Variants in GGT5 observed in about 807,000 individuals in gnomAD.
GGT5 encodes the protein gamma-glutamyltransferase 5, also known as glutathione hydrolase 5 proenzyme.
Under a neutral mutation model 58.1 loss-of-function variants are expected in GGT5, and 50 were observed. The ratio of observed to expected loss-of-function variants is 0.86; its 90% confidence interval spans 0.69 to 1.09. The LOEUF (loss-of-function observed/expected upper bound fraction) is 1.09. GGT5 is among the 50% of genes least tolerant of loss of function. The pLI is 0.00. For missense variants in GGT5, 800 were observed against 789.4 expected (o/e 1.01, Z -0.16); for synonymous variants, 370 against 346.1 (o/e 1.07, Z -0.77).
rs372883552 is a variant in GGT5 at position 24,244,576 on chromosome 22, G to A, written c.150C>T (p.Ser50=). ...ACCGTCCAATATCCGAGCAGACCTTGGAGTCGGCGGCAACAGCAGCGTGGG... is the reference window on the plus strand; with the variant it reads ...ACCGTCCAATATCCGAGCAGACCTTAGAGTCGGCGGCAACAGCAGCGTGGG... ...AFAHAAVAAD[S]KVCSDIGRAI... The change falls in exon 1 of 12, where the codon TCC becomes TCT. Residue 50 remains serine (S), a synonymous_variant. Transcript: ENST00000327365. 3 of 1,612,302 alleles carry A rather than the reference G, an allele frequency of 1.9e-6. No homozygotes were observed. Among genetic ancestry groups the A allele is most frequent in the Non-Finnish European group, 2.5e-6 (3 of 1,179,796 alleles).
chr22:24,238,838 T>TA lies in GGT5; in HGVS notation c.174-4835dup, dbSNP rs1384656773. On this transcript the variant is annotated intron_variant, in intron 1 of 11. Transcript: ENST00000327365. ...TTATATATATATATATATATTTATA[T>TA]ATATATATTATATATATTATATATA... 2.1e-3 allele frequency among the ~76,000 whole-genome samples: 23 copies of TA among 11,154 alleles called. 3 individuals are homozygous for TA. The highest frequency in any genetic ancestry group is 5.2e-3 in the Admixed American group (3 of 576). 7.3% of individuals were successfully genotyped at this position (11,154 alleles called of 152,430 possible). A position where few individuals can be genotyped will look rare whatever the true frequency, so the allele number is the denominator to read the frequency against.
intron 6 of GGT5, among the ~76,000 whole-genome samples, chr22:24,228,308 A>G (rs2047836902): frequency 6.6e-6 from 1 of 152,026 alleles, no homozygotes; most frequent in African/African-American, 2.4e-5. Context: ...CAAAAACACA[A>G]CAGCTCACAA....
chr22:24,243,146 C>A (rs2048370896), intron 1 of GGT5: 1 of 152,230 alleles, frequency 6.6e-6, no homozygotes, highest in African/African-American at 2.4e-5. Flanking sequence ...GCCACATGCC[C>A]ACGGGTGGTC....
rs909685064 is a variant in GGT5, at chr22:24,231,455, T to A, written c.830A>T (p.Asp277Val). The A allele has an allele frequency of 1.3e-6, 2 of 1,568,998 alleles. No homozygotes were observed. The highest frequency in any genetic ancestry group is 2.7e-5 in the African/African-American group (2 of 73,600). The change falls in exon 6 of 12, where the codon GAC becomes GTC. Residue 277 changes from aspartate (D) to valine (V), a missense_variant. Transcript: ENST00000327365. The part of the protein sequence containing the change: ...VVDALEVPLG[D>V]YTLYSPPPPA... ...CGGCGGTGGTGAGTACAGGGTATAGTCCCCCAGGGGCACCTCCAGGGCATC... is the reference window on the plus strand; with the variant it reads ...CGGCGGTGGTGAGTACAGGGTATAGACCCCCAGGGGCACCTCCAGGGCATC...
At position 24,226,272 on chromosome 22, in the gene GGT5, G is replaced by T. The variant is rs758111863; in HGVS notation, c.1039-6C>A. 3 of 1,590,148 alleles carry T rather than the reference G, an allele frequency of 1.9e-6. No individual in the cohort carries two copies. Among genetic ancestry groups the T allele is most frequent in the Non-Finnish European group, 2.6e-6 (3 of 1,170,714 alleles). On this transcript the variant is annotated splice_polypyrimidine_tract_variant and splice_region_variant and intron_variant, in intron 7 of 11. Transcript: ENST00000327365. Reference sequence around the variant, plus strand: ...AGCAGGTCCCGGGAGGCATTCTGGGGTGGGTGGGCAGGTGGCAGGGTCAGT... The same window carrying T: ...AGCAGGTCCCGGGAGGCATTCTGGGTTGGGTGGGCAGGTGGCAGGGTCAGT...
intron 1 of GGT5, chr22:24,244,295 G>A (rs977049634): frequency 1.7e-5 from 7 of 401,272 alleles, no homozygotes; most frequent in Admixed American, 4.0e-5. Flanking sequence ...CAGTGCACGT[G>A]CACACACACA....
In GGT5 at chr22:24,232,208, G is replaced by T. The variant is rs1239716816; in HGVS notation, c.597C>A (p.Arg199=). ...LRPSLQASTL[R]QLFFNGTEPL... Reference sequence around the variant, plus strand: ...GTTCTGTCCCGTTGAAGAAGAGCTGGCTGGGGGGTGGGGGGAGCCTCAGGG... The same window carrying T: ...GTTCTGTCCCGTTGAAGAAGAGCTGTCTGGGGGGTGGGGGGAGCCTCAGGG... Residue 199 remains arginine (R), a splice_region_variant and synonymous_variant, in exon 5 of 12, where the codon CGC becomes CGA. Transcript: ENST00000327365. 1 of 1,462,446 alleles carries T rather than the reference G, an allele frequency of 6.8e-7. No individual in the cohort carries two copies. The allele number at this position is 1,462,446 out of a possible 1,614,324, so 90.6% of individuals were successfully genotyped here.
intron 1 of GGT5, chr22:24,241,934 AG>A (rs2048338413): frequency 6.6e-6 from 1 of 150,602 alleles, no homozygotes. Flanking sequence ...CTCCTGTCTC[AG>A]CCTCCCAAGT....
At chr22:24,228,072 CAAAAAAAAA>C (rs1183981939) in intron 6 of GGT5, among the ~76,000 whole-genome samples, 7 of 51,874 alleles carry the variant, frequency 1.3e-4, no homozygotes, top group African/African-American at 5.1e-4. Flanking sequence ...AAAAACAAAA[CAAAAAAAAA>C]AAAACTCTGA....
Position 24,226,041 on chromosome 22 carries a change from G to A in GGT5, c.1229+35C>T, listed in dbSNP as rs777933263. 11 of 1,460,946 alleles carry A rather than the reference G, an allele frequency of 7.5e-6. No individual in the cohort carries two copies. In the African/African-American group the frequency reaches 1.4e-4, roughly 18 times the overall value. The allele number at this position is 1,460,946 out of a possible 1,614,324, so 90.5% of individuals were successfully genotyped here. On this transcript the variant is annotated intron_variant, in intron 8 of 11. Transcript: ENST00000327365. ...GGTGTGCAGGTCTAGGAGAGGAGGA[G>A]TGAAGCCATCCGCCTTCCCCCAGGC...
rs1415737631 is a variant in GGT5 at position 24,232,214 on chromosome 22, G to A, written c.597-6C>T. Reference sequence around the variant, plus strand: ...TCCCGTTGAAGAAGAGCTGGCTGGGGGGTGGGGGGAGCCTCAGGGTGGGGC... The same window carrying A: ...TCCCGTTGAAGAAGAGCTGGCTGGGAGGTGGGGGGAGCCTCAGGGTGGGGC... On this transcript the variant is annotated splice_polypyrimidine_tract_variant and splice_region_variant and intron_variant, in intron 4 of 11. Transcript: ENST00000327365. 6.8e-7 allele frequency: 1 copy of A among 1,473,014 alleles called. No homozygotes were observed. The highest frequency in any genetic ancestry group is 9.1e-7 in the Non-Finnish European group (1 of 1,095,230). The allele number at this position is 1,473,014 out of a possible 1,614,324, so 91.2% of individuals were successfully genotyped here. A position where few individuals can be genotyped will look rare whatever the true frequency, so the allele number is the denominator to read the frequency against.
At chr22:24,226,884 A>T (rs1160786326) in intron 6 of GGT5, 117 bp from the exon 7 acceptor site, 3 of 727,230 alleles carry the variant, frequency 4.1e-6, no homozygotes, top group Admixed American at 2.2e-5. Flanking sequence ...AAACCTGTGG[A>T]TATTACCTTA....
rs568293130 is a variant in GGT5, at chr22:24,226,256, C to T, written c.1049G>A (p.Arg350Gln). 38 of 1,584,470 alleles carry T rather than the reference C, an allele frequency of 2.4e-5. No individual in the cohort carries two copies. Among genetic ancestry groups the T allele is most frequent in the East Asian group, 2.0e-4 (9 of 44,102 alleles). The part of the protein sequence containing the change: ...RSHPKLQNAS[R>Q]DLLGETLAQL... ...GGCCAGGGTCTCCCCCAGCAGGTCCCGGGAGGCATTCTGGGGTGGGTGGGC... is the reference window on the plus strand; with the variant it reads ...GGCCAGGGTCTCCCCCAGCAGGTCCTGGGAGGCATTCTGGGGTGGGTGGGC... Residue 350 changes from arginine (R) to glutamine (Q), a missense_variant, in exon 8 of 12, where the codon CGG becomes CAG. Coordinates refer to ENST00000327365, the MANE Select transcript of GGT5 (RefSeq NM_004121.5).
chr22:24,220,757 C>G, intron 11 of GGT5: 1 of 445,114 alleles, frequency 2.2e-6, no homozygotes, highest in African/African-American at 2.0e-5. Context: ...TTGGGCTGGG[C>G]GTGGTGGCTC....
At chr22:24,234,091 G>A in intron 1 of GGT5, 87 bp from the exon 2 acceptor site, 1 of 1,350,114 alleles carries the variant, frequency 7.4e-7, no homozygotes, top group Non-Finnish European at 1.0e-6. Flanking sequence ...ATTGGAGAAT[G>A]GTGACGGAGG....
At position 24,228,071 on chromosome 22, in the gene GGT5, A is replaced by C. The variant is rs1361876817; in HGVS notation, c.902-1304T>G. On this transcript the variant is annotated intron_variant, in intron 6 of 11. Coordinates refer to ENST00000327365, the MANE Select transcript of GGT5 (RefSeq NM_004121.5). ...CTCAAAAAAAAAAAAAAAAAACAAA[A>C]CAAAAAAAAAAAAACTCTGAAAAAT... 8.9e-4 allele frequency among the ~76,000 whole-genome samples: 79 copies of C among 88,662 alleles called. 2 individuals are homozygous for C. The highest frequency in any genetic ancestry group is 3.4e-3 in the African/African-American group (75 of 22,058). 58.2% of individuals were successfully genotyped at this position (88,662 alleles called of 152,430 possible). A position where few individuals can be genotyped will look rare whatever the true frequency, so the allele number is the denominator to read the frequency against.
At chr22:24,239,256 G>A (rs371861914) in intron 1 of GGT5, among the ~76,000 whole-genome samples, 5 of 151,062 alleles carry the variant, frequency 3.3e-5, no homozygotes, top group South Asian at 2.1e-4. Flanking sequence ...GGAGAATGGC[G>A]TGAACCCAGG....
Position 24,219,749 on chromosome 22 carries a change from G to T in GGT5, c.*221C>A, listed in dbSNP as rs2047534157. 1 of 566,010 alleles carries T rather than the reference G, an allele frequency of 1.8e-6. No individual in the cohort carries two copies. The highest frequency in any genetic ancestry group is 3.2e-6 in the Non-Finnish European group (1 of 316,506). 35.1% of individuals were successfully genotyped at this position (566,010 alleles called of 1,614,324 possible). A position where few individuals can be genotyped will look rare whatever the true frequency, so the allele number is the denominator to read the frequency against. ...CAGGCAAGAGGCCTGCGGAGGGATA[G>T]AGGGGCCGGTTCAGGACCACCAGGG... On this transcript the variant is annotated 3_prime_UTR_variant, in exon 12 of 12. Coordinates refer to ENST00000327365, the MANE Select transcript of GGT5 (RefSeq NM_004121.5).
chr22:24,229,130 A>G (rs1229202616), intron 6 of GGT5, among the ~76,000 whole-genome samples: 1 of 151,404 alleles, frequency 6.6e-6, no homozygotes, highest in African/African-American at 2.4e-5. Context: ...GGGGCCCAGC[A>G]TGGTGGCTCA....
Sources: gnomAD v4.1 joint callset for allele counts (sites outside exome capture counted in the v4.1 genomes callset) on GRCh38, gnomAD v4.1.1 for gene constraint, MANE v1.5 for transcripts, NCBI Gene and HGNC (gene_info 2026-07-23, HGNC 2026-07-21) for gene names.